LRP2BP: variants seen among roughly 807,000 people sequenced by gnomAD.
The protein encoded by LRP2BP is LRP2-binding protein.
LRP2BP carries 38 observed loss-of-function variants against 45.2 expected under a neutral mutation model. That is an observed-to-expected ratio of 0.84 (90% confidence interval 0.65 to 1.10). The LOEUF (loss-of-function observed/expected upper bound fraction) is 1.10. Ranked by LOEUF, LRP2BP falls within the 50% of genes least tolerant of loss-of-function variation. The pLI is 0.00. For missense variants in LRP2BP, 385 were observed against 418.9 expected (o/e 0.92, Z 0.71); for synonymous variants, 153 against 153.9 (o/e 0.99, Z 0.04).
At chr4:185,376,747 G>C (rs747194987) in intron 3 of LRP2BP, among the ~76,000 whole-genome samples, 162 bp downstream of exon 3, 11 of 152,154 alleles carry the variant, frequency 7.2e-5, no homozygotes, top group Non-Finnish European at 1.3e-4. Flanking sequence ...AGCTCCTCAA[G>C]CTGGCAGCAC....
rs76465632 is a variant in LRP2BP at position 185,392,818 on chromosome 4, A to T, written c.-22+1961T>A. Among the ~76,000 whole-genome samples the T allele has an allele frequency of 4.5e-3, 689 of 152,354 alleles. 7 individuals carry two copies. The highest frequency in any genetic ancestry group is 0.016 in the African/African-American group (651 of 41,584). ...ATACCATGGGTGCCTGGCTGGCAAT[A>T]AACAAGACATCATATTCAGAAATGC... On this transcript the variant is annotated intron_variant, in intron 1 of 8. Transcript: ENST00000505916.
In LRP2BP at chr4:185,395,038, TA is replaced by T. The variant is rs1200259345; in HGVS notation, c.-282del. On this transcript the variant is annotated 5_prime_UTR_variant, in exon 1 of 9. An upstream open reading frame in the 5' UTR gains an earlier in-frame stop. Coordinates refer to ENST00000505916, the MANE Select transcript of LRP2BP (RefSeq NM_001377440.1). ...TGCATTATAAGCTTTGTTCAGTTTA[TA>T]GTTTCTAGGCCCATTACTAAAGTCA... 14 of 985,350 alleles carry T rather than the reference TA, an allele frequency of 1.4e-5. No individual in the cohort carries two copies. Among genetic ancestry groups the T allele is most frequent in the Non-Finnish European group, 1.7e-5 (14 of 829,938 alleles). 61.0% of individuals were successfully genotyped at this position (985,350 alleles called of 1,614,324 possible).
intron 2 of LRP2BP, 197 bp downstream of exon 2, chr4:185,377,884 T>C (rs1288364280): frequency 3.7e-6 from 2 of 537,100 alleles, no homozygotes; most frequent in African/African-American, 3.9e-5. Flanking sequence ...CCTAACTATC[T>C]GTGAGACCTC....
In LRP2BP at chr4:185,374,411, T is replaced by G; in HGVS notation, c.381A>C (p.Lys127Asn). 6.2e-7 allele frequency: 1 copy of G among 1,614,206 alleles called. No individual in the cohort carries two copies. The highest frequency in any genetic ancestry group is 8.5e-7 in the Non-Finnish European group (1 of 1,180,036). Residue 127 changes from lysine (K) to asparagine (N), a missense_variant, in exon 5 of 9, where the codon AAA becomes AAC. By Grantham distance (94) the Lys-to-Asn change is moderately conservative. Transcript: ENST00000505916. ...MKKILDSPCPKARHLKFAAAY... is the reference protein window; with the variant it reads ...MKKILDSPCPNARHLKFAAAY... ...CAGCTGCAAATTTTAAGTGTCTTGCTTTGGGACATGGAGAATCAAGAATTT... is the reference window on the plus strand; with the variant it reads ...CAGCTGCAAATTTTAAGTGTCTTGCGTTGGGACATGGAGAATCAAGAATTT...
chr4:185,367,693 T>C (rs1391703527), intron 8 of LRP2BP, among the ~76,000 whole-genome samples: 2 of 152,170 alleles, frequency 1.3e-5, no homozygotes, highest in Admixed American at 1.3e-4. Context: ...TGTCAACAAT[T>C]TGGGATATAG....
rs749350593 is a variant in LRP2BP, at chr4:185,376,951, GTC to G, written c.172_173del (p.Asp58HisfsTer13). The G allele has an allele frequency of 3.7e-6, 6 of 1,613,766 alleles. No homozygotes were observed. The African/African-American group carries it at 5.3e-5, about 14-fold the overall frequency. ...GACCTCGTAGGAAATATGCCAGAGT[GTC>G]TCCTTTCAGTATTCTTTCCTTCAAG... ...QLLKERILKG[D>X]TLAYFLRGQL... On this transcript the variant is annotated frameshift_variant, in exon 3 of 9. Coordinates refer to ENST00000505916, the MANE Select transcript of LRP2BP (RefSeq NM_001377440.1). LOFTEE classifies it high-confidence loss of function.
chr4:185,388,524 A>T (rs910341162), intron 1 of LRP2BP, among the ~76,000 whole-genome samples: 1 of 134,670 alleles, frequency 7.4e-6, no homozygotes. Flanking sequence ...CTATCTACCT[A>T]CCTATCTATC....
At chr4:185,370,863 G>A (rs1288159464) in intron 7 of LRP2BP, 49 bp from the exon 8 acceptor site, 1 of 1,598,086 alleles carries the variant, frequency 6.3e-7, no homozygotes, top group Non-Finnish European at 8.6e-7. Context: ...GTTATGGTAA[G>A]TGTTTGTAAA....
intron 3 of LRP2BP, 44 bp downstream of exon 3, chr4:185,376,865 A>G: frequency 7.0e-7 from 1 of 1,425,320 alleles, no homozygotes; most frequent in Non-Finnish European, 9.9e-7. Flanking sequence ...AGGATCTAAC[A>G]ACAGAATTAC....
Position 185,366,980 on chromosome 4 carries a change from C to A in LRP2BP, c.*200G>T, listed in dbSNP as rs2095390069. On this transcript the variant is annotated 3_prime_UTR_variant, in exon 9 of 9. Coordinates refer to ENST00000505916, the MANE Select transcript of LRP2BP (RefSeq NM_001377440.1). ...AAGAGGTGGACCTCTGAGGACTCTT[C>A]CAGCAATTTGACCTTGTGTCTAGGT... 1.9e-6 allele frequency: 1 copy of A among 522,692 alleles called. No individual in the cohort carries two copies. The allele number at this position is 522,692 out of a possible 1,614,324, so 32.4% of individuals were successfully genotyped here.
chr4:185,373,199 G>C (rs762846871), intron 6 of LRP2BP, 120 bp from the exon 7 acceptor site: 71 of 925,996 alleles, frequency 7.7e-5, no homozygotes, highest in Non-Finnish European at 1.1e-4. Flanking sequence ...CTCTAGGAAA[G>C]AGCGGTAGGC....
At position 185,395,812 on chromosome 4, in the gene LRP2BP, C is replaced by T; in HGVS notation, c.-1055G>A. On this transcript the variant is annotated 5_prime_UTR_variant, in exon 1 of 9. Transcript: ENST00000505916. ...CAATAAACGTATTTATTTCTCCGAG[C>T]TTTCAAAGGCATCAACAGAAGGGAA... 1 of 985,378 alleles carries T rather than the reference C, an allele frequency of 1.0e-6. No homozygotes were observed. Among genetic ancestry groups the T allele is most frequent in the Non-Finnish European group, 1.2e-6 (1 of 829,908 alleles). The allele number at this position is 985,378 out of a possible 1,614,324, so 61.0% of individuals were successfully genotyped here.
intron 6 of LRP2BP, among the ~76,000 whole-genome samples, chr4:185,373,928 C>G (rs551187634): frequency 2.0e-5 from 3 of 152,122 alleles, no homozygotes. Flanking sequence ...AAAATACTCT[C>G]ACATTCATGG....
intron 8 of LRP2BP, chr4:185,369,755 T>C (rs2095408597): frequency 4.5e-6 from 2 of 446,086 alleles, no homozygotes; most frequent in Admixed American, 2.4e-5. Context: ...CACAGGGAAC[T>C]TCAACAAATA....
chr4:185,378,365 A>G, intron 1 of LRP2BP, 158 bp from the exon 2 acceptor site: 1 of 1,418,788 alleles, frequency 7.0e-7, no homozygotes, highest in Non-Finnish European at 9.2e-7. Flanking sequence ...AACATTCTTT[A>G]CTAGGACACC....
In LRP2BP at chr4:185,378,278, C is replaced by G; in HGVS notation, c.-21-71G>C. 1.9e-6 allele frequency: 3 copies of G among 1,556,610 alleles called. No individual in the cohort carries two copies. In the South Asian group the frequency reaches 3.7e-5, roughly 19 times the overall value. On this transcript the variant is annotated intron_variant, in intron 1 of 8. Transcript: ENST00000505916. ...GCGAAGTGCAAAGAGAGACTCTATT[C>G]CCACCAGGTGCTCATTAGGAAAAGC...
Position 185,372,928 on chromosome 4 carries a change from T to C in LRP2BP, c.731A>G (p.Tyr244Cys), listed in dbSNP as rs777408623. The change falls in exon 7 of 9, where the codon TAT becomes TGT. Residue 244 changes from tyrosine (Y) to cysteine (C), a missense_variant. Tyr to Cys is a radical substitution (Grantham distance 194). Coordinates refer to ENST00000505916, the MANE Select transcript of LRP2BP (RefSeq NM_001377440.1). ...ATACTCCACGAGATTCCCTTGAGCA[T>C]AGACGTTTCCGCGTTCTGCTGCTTC... Reference protein sequence around the residue: ...LREAAERGNVYAQGNLVEYYY... With the variant: ...LREAAERGNVCAQGNLVEYYY... 5 of 1,613,952 alleles carry C rather than the reference T, an allele frequency of 3.1e-6. No homozygotes were observed. Among genetic ancestry groups the C allele is most frequent in the Admixed American group, 1.7e-5 (1 of 60,024 alleles).
At chr4:185,392,716 A>T (rs1344292273) in intron 1 of LRP2BP, among the ~76,000 whole-genome samples, 1 of 152,346 alleles carries the variant, frequency 6.6e-6, no homozygotes, top group East Asian at 1.9e-4. Flanking sequence ...GAACGATAGA[A>T]GTATTATTGC....
Position 185,373,218 on chromosome 4 carries a change from G to A in LRP2BP, c.580-139C>T, listed in dbSNP as rs1201972471. 9.2e-6 allele frequency: 7 copies of A among 757,468 alleles called. No individual in the cohort carries two copies. In the South Asian group the frequency reaches 1.1e-4, roughly 12 times the overall value. 46.9% of individuals were successfully genotyped at this position (757,468 alleles called of 1,614,324 possible). A position where few individuals can be genotyped will look rare whatever the true frequency, so the allele number is the denominator to read the frequency against. Reference sequence around the variant, plus strand: ...AGGAAAGAGCGGTAGGCCTTTGGACGCATTTCACACTAGCACACATGCCTA... The same window carrying A: ...AGGAAAGAGCGGTAGGCCTTTGGACACATTTCACACTAGCACACATGCCTA... On this transcript the variant is annotated intron_variant, in intron 6 of 8. Coordinates refer to ENST00000505916, the MANE Select transcript of LRP2BP (RefSeq NM_001377440.1).
Sources: allele counts gnomAD v4.1 joint callset (sites outside exome capture counted in the v4.1 genomes callset), GRCh38; gene constraint gnomAD v4.1.1; transcripts MANE v1.5; gene names NCBI Gene and HGNC (gene_info 2026-07-23, HGNC 2026-07-21).